Variants in GPC5 observed in about 807,000 individuals in gnomAD.
GPC5 encodes glypican 5.
In GPC5, 47 loss-of-function variants were observed where a neutral mutation model predicts 53.9. The observed-to-expected ratio is 0.87, with a 90% CI of 0.69 to 1.11. The LOEUF (loss-of-function observed/expected upper bound fraction) is 1.11, where lower values mean the gene tolerates loss of function less well. Ranked by LOEUF, GPC5 falls within the 50% of genes most tolerant of loss-of-function variation. The pLI is 0.00. For missense variants in GPC5, 748 were observed against 713.1 expected, an observed-to-expected ratio of 1.05 and a Z score of -0.56; for synonymous variants, 286 against 263.3, an observed-to-expected ratio of 1.09 and a Z score of -0.84.
chr13:92,136,411 C>A (rs74106133), intron 6 of GPC5, among the ~76,000 whole-genome samples: 1 of 152,004 alleles, frequency 6.6e-6, no homozygotes, highest in Non-Finnish European at 1.5e-5. Flanking sequence ...GTTTATCAAT[C>A]ACAAAATAAA....
At chr13:91,915,209 G>C (rs2039646751) in intron 6 of GPC5, among the ~76,000 whole-genome samples, 1 of 152,128 alleles carries the variant, frequency 6.6e-6, no homozygotes, top group Non-Finnish European at 1.5e-5. Flanking sequence ...TTTGGTTCAG[G>C]AGAAAGTGTT....
intron 6 of GPC5, among the ~76,000 whole-genome samples, chr13:92,043,467 T>C (rs1002037863): frequency 6.6e-6 from 1 of 151,924 alleles, no homozygotes; most frequent in Non-Finnish European, 1.5e-5. Context: ...GCCATGGAAA[T>C]TGGTAAGGAG....
intron 5 of GPC5, among the ~76,000 whole-genome samples, chr13:91,794,493 G>A (rs1462653540): frequency 6.6e-6 from 1 of 152,098 alleles, no homozygotes; most frequent in Admixed American, 6.5e-5. Flanking sequence ...TTCCTCTTCT[G>A]GGTATTGGTT....
intron 1 of GPC5, among the ~76,000 whole-genome samples, chr13:91,428,838 C>T (rs1274463473): frequency 2.6e-5 from 4 of 151,954 alleles, no homozygotes; most frequent in Non-Finnish European, 5.9e-5. Context: ...ATACCACTTT[C>T]AAGTTTGTTT....
At chr13:92,064,756 C>CAAAAAAAAAAAAAAAAAAAACA (rs1175120330) in intron 6 of GPC5, among the ~76,000 whole-genome samples, 4 of 33,644 alleles carry the variant, frequency 1.2e-4, no homozygotes, top group South Asian at 1.4e-3. Flanking sequence ...GACTCCGTCT[C>CAAAAAAAAAAAAAAAAAAAACA]AAAAAAAAAA....
At chr13:92,593,414 G>A (rs574512873) in intron 7 of GPC5, among the ~76,000 whole-genome samples, 1 of 150,980 alleles carries the variant, frequency 6.6e-6, no homozygotes, top group Non-Finnish European at 1.5e-5. Context: ...GAAGTGTGGG[G>A]TATCAAGAGT....
chr13:92,721,071 A>T (rs1341506290), intron 7 of GPC5, among the ~76,000 whole-genome samples: 1 of 152,070 alleles, frequency 6.6e-6, no homozygotes, highest in East Asian at 1.9e-4. Context: ...AATCCAGCAA[A>T]GGTCACTGGA....
chr13:92,622,921 A>T (rs1342266050), intron 7 of GPC5, among the ~76,000 whole-genome samples: 1 of 152,216 alleles, frequency 6.6e-6, no homozygotes, highest in Non-Finnish European at 1.5e-5. Flanking sequence ...AATGTGGCAA[A>T]AAAGAGAAAA....
intron 6 of GPC5, among the ~76,000 whole-genome samples, chr13:92,077,513 T>C (rs1310544541): frequency 1.3e-5 from 2 of 152,134 alleles, no homozygotes; most frequent in Non-Finnish European, 2.9e-5. Flanking sequence ...CCCCGTTTCA[T>C]GGTAGCATTT....
intron 7 of GPC5, among the ~76,000 whole-genome samples, chr13:92,196,780 A>G (rs1390564853): frequency 6.9e-6 from 1 of 144,472 alleles, no homozygotes; most frequent in African/African-American, 2.6e-5. Context: ...TTCAATATCA[A>G]CAGCAGCTCA....
intron 6 of GPC5, among the ~76,000 whole-genome samples, chr13:92,049,427 A>G (rs1257769045): frequency 6.6e-6 from 1 of 152,152 alleles, no homozygotes; most frequent in Non-Finnish European, 1.5e-5. Context: ...GAATAAATAC[A>G]GGGAGACAGT....
intron 7 of GPC5, among the ~76,000 whole-genome samples, chr13:92,471,036 G>T (rs939265536): frequency 6.6e-6 from 1 of 152,110 alleles, no homozygotes; most frequent in Non-Finnish European, 1.5e-5. Context: ...CATGTGACGG[G>T]AAACACAGTG....
chr13:92,482,513 G>T (rs1879395989), intron 7 of GPC5, among the ~76,000 whole-genome samples: 1 of 152,170 alleles, frequency 6.6e-6, no homozygotes, highest in African/African-American at 2.4e-5. Context: ...TTGCAGCATT[G>T]CTTGTAGAGT....
chr13:92,065,519 T>C (rs2041160958), intron 6 of GPC5, among the ~76,000 whole-genome samples: 1 of 152,156 alleles, frequency 6.6e-6, no homozygotes, highest in South Asian at 2.1e-4. Flanking sequence ...ATGAGTACTC[T>C]AAACCAATAG....
At chr13:91,564,001 C>T (rs972629150) in intron 2 of GPC5, among the ~76,000 whole-genome samples, 3 of 152,078 alleles carry the variant, frequency 2.0e-5, no homozygotes, top group African/African-American at 7.2e-5. Context: ...CACTCTTGAC[C>T]CAACCAACTC....
chr13:91,745,748 CT>C lies in GPC5; in HGVS notation c.1155-10543del, dbSNP rs548067966. Among the ~76,000 whole-genome samples the C allele has an allele frequency of 1.5e-3, 230 of 152,072 alleles. 4 individuals carry two copies. Among genetic ancestry groups the C allele is most frequent in the Non-Finnish European group, 1.8e-4 (12 of 67,946 alleles). On this transcript the variant is annotated intron_variant, in intron 4 of 7. Transcript: ENST00000377067. Reference sequence around the variant, plus strand: ...CTCTTTTGGAAAAAAAATTTTTTTTCTTTTGAATCAAATATGAATGTCATGT... The same window carrying C: ...CTCTTTTGGAAAAAAAATTTTTTTTCTTTGAATCAAATATGAATGTCATGT...
intron 5 of GPC5, among the ~76,000 whole-genome samples, chr13:91,791,397 T>C (rs2037961665): frequency 6.6e-6 from 1 of 152,146 alleles, no homozygotes; most frequent in South Asian, 2.1e-4. Context: ...GCTTCTCACA[T>C]GCTGTAGCAC....
chr13:92,194,927 T>G (rs568987267), intron 7 of GPC5, among the ~76,000 whole-genome samples: 1 of 152,248 alleles, frequency 6.6e-6, no homozygotes, highest in South Asian at 2.1e-4. Context: ...CAGGAAAAAA[T>G]AAGGTTATTT....
chr13:92,655,594 G>C (rs1469350438), intron 7 of GPC5, among the ~76,000 whole-genome samples: 1 of 152,118 alleles, frequency 6.6e-6, no homozygotes, highest in Non-Finnish European at 1.5e-5. Context: ...CCCGCCCTTG[G>C]CCTCCCAAAG....
Sources: allele counts gnomAD v4.1 joint callset (sites outside exome capture counted in the v4.1 genomes callset), GRCh38; gene constraint gnomAD v4.1.1; transcripts MANE v1.5; gene names NCBI Gene and HGNC (gene_info 2026-07-23, HGNC 2026-07-21).